The following AP1G1 variants were observed in gnomAD, a reference collection of about 807,000 sequenced individuals.
AP1G1 encodes the protein adaptor related protein complex 1 subunit gamma 1.
AP1G1 carries 7 observed loss-of-function variants against 108.3 expected under a neutral mutation model. That is an observed-to-expected ratio of 0.06 (90% CI 0.04 to 0.12). The LOEUF is 0.12. AP1G1 is among the 10% of genes least tolerant of loss of function. The probability of loss-of-function intolerance (pLI) is 1.00; values close to 1 mark genes in which losing one functional copy is unlikely to be tolerated. For synonymous variants in AP1G1, 379 were observed against 353.5 expected (o/e 1.07, Z -0.81); for missense variants, 756 against 1,010.7 (o/e 0.75, Z 3.42).
At chr16:71,796,920 A>G (rs1315411138) in intron 1 of AP1G1, among the ~76,000 whole-genome samples, 3 of 152,084 alleles carry the variant, frequency 2.0e-5, no homozygotes, top group African/African-American at 7.2e-5. Flanking sequence ...CTGTAATCCC[A>G]GCACTCTGGG....
At position 71,771,254 on chromosome 16, in the gene AP1G1, TATGAAAAAAAAA is replaced by T. The variant is rs2031556713; in HGVS notation, c.469-14_469-3del. ...GACATGAACAGCACACAGTGCTGCC[TATGAAAAAAAAA>T]ATAAAAGAACAAAAGGTTTATTTCA... On this transcript the variant is annotated splice_region_variant and splice_polypyrimidine_tract_variant and intron_variant, in intron 4 of 22. Coordinates refer to ENST00000299980, the MANE Select transcript of AP1G1 (RefSeq NM_001128.6). The T allele has an allele frequency of 6.7e-7, 1 of 1,495,208 alleles. No homozygotes were observed. Among genetic ancestry groups the T allele is most frequent in the Non-Finnish European group, 9.0e-7 (1 of 1,108,950 alleles). 92.6% of individuals were successfully genotyped at this position (1,495,208 alleles called of 1,614,324 possible).
intron 1 of AP1G1, among the ~76,000 whole-genome samples, chr16:71,798,165 G>A (rs1208008720): frequency 1.3e-5 from 2 of 152,166 alleles, no homozygotes; most frequent in Non-Finnish European, 2.9e-5. Context: ...AACTGTTAAG[G>A]CTGGGTGCGG....
intron 1 of AP1G1, among the ~76,000 whole-genome samples, chr16:71,790,278 C>T (rs1597082646): frequency 6.6e-6 from 1 of 152,102 alleles, no homozygotes; most frequent in Admixed American, 6.6e-5. Flanking sequence ...CGGTGGCTCA[C>T]GCCTGTAATC....
At chr16:71,799,560 G>A (rs1170196761) in intron 1 of AP1G1, among the ~76,000 whole-genome samples, 1 of 152,116 alleles carries the variant, frequency 6.6e-6, no homozygotes, top group Non-Finnish European at 1.5e-5. Context: ...TCAAGTCCAG[G>A]AGTTTGAGAC....
intron 5 of AP1G1, 57 bp downstream of exon 5, chr16:71,771,099 C>G: frequency 9.0e-7 from 1 of 1,116,450 alleles, no homozygotes; most frequent in East Asian, 2.4e-5. Flanking sequence ...TAGCCTTAAG[C>G]CTTTTCTCTT....
intron 19 of AP1G1, among the ~76,000 whole-genome samples, chr16:71,741,225 C>T (rs904313299): frequency 3.3e-5 from 5 of 152,078 alleles, no homozygotes; most frequent in Non-Finnish European, 7.4e-5. Context: ...GCTAGAATAT[C>T]ATCTTTTTTT....
At chr16:71,762,611 AGGAGCTTCCAGATAGCTGAACATGT>A (rs2031141241) in intron 9 of AP1G1, among the ~76,000 whole-genome samples, 1 of 152,218 alleles carries the variant, frequency 6.6e-6, no homozygotes, top group Non-Finnish European at 1.5e-5. Flanking sequence ...CAGGGTTCAG[AGGAGCTTCCAGATAGCTGAACATGT>A]GGAGCTTCCT....
At chr16:71,774,362 C>G (rs1041559834) in intron 3 of AP1G1, 106 bp downstream of exon 3, 6 of 1,258,952 alleles carry the variant, frequency 4.8e-6, no homozygotes, top group Admixed American at 2.5e-5. Flanking sequence ...CAAGATCACG[C>G]CACTTCACTC....
chr16:71,748,440 C>T, intron 15 of AP1G1, 62 bp from the exon 16 acceptor site: 2 of 1,559,112 alleles, frequency 1.3e-6, no homozygotes, highest in Non-Finnish European at 1.7e-6. Context: ...GCATCTAAAT[C>T]TGATATCAAG....
chr16:71,793,122 A>G lies in AP1G1; in HGVS notation c.-3-3640T>C, dbSNP rs1029941287. ...AGTGAGGCTGCAGTGAGCTGAGATCAGGCCACTGCACTCCAGCCTGGGCGA... is the reference window on the plus strand; with the variant it reads ...AGTGAGGCTGCAGTGAGCTGAGATCGGGCCACTGCACTCCAGCCTGGGCGA... On this transcript the variant is annotated intron_variant, in intron 1 of 22. Coordinates refer to ENST00000299980, the MANE Select transcript of AP1G1 (RefSeq NM_001128.6). 2.0e-5 allele frequency among the ~76,000 whole-genome samples: 3 copies of G among 151,648 alleles called. 1 individual carries two copies. Among genetic ancestry groups the G allele is most frequent in the Non-Finnish European group, 4.4e-5 (3 of 67,856 alleles).
intron 7 of AP1G1, among the ~76,000 whole-genome samples, chr16:71,765,133 G>C (rs2031260120): frequency 6.6e-6 from 1 of 152,206 alleles, no homozygotes; most frequent in Non-Finnish European, 1.5e-5. Context: ...TTGAGTCCAG[G>C]AGTTTGAGAC....
chr16:71,754,652 T>C (rs969293113), intron 12 of AP1G1, among the ~76,000 whole-genome samples: 1 of 151,944 alleles, frequency 6.6e-6, no homozygotes, highest in African/African-American at 2.4e-5. Context: ...AATTAAAAAA[T>C]TAGTGGCACA....
chr16:71,780,622 A>G (rs1463526440), intron 2 of AP1G1, among the ~76,000 whole-genome samples: 2 of 151,702 alleles, frequency 1.3e-5, no homozygotes, highest in African/African-American at 4.8e-5. Flanking sequence ...TTTAAAAGTC[A>G]CCTTTATTTA....
At chr16:71,787,039 G>GC (rs879705876) in intron 2 of AP1G1, among the ~76,000 whole-genome samples, 9 of 151,522 alleles carry the variant, frequency 5.9e-5, no homozygotes, top group Non-Finnish European at 1.3e-4. Context: ...AATTAGCTGG[G>GC]CCCGGGCACA....
intron 15 of AP1G1, among the ~76,000 whole-genome samples, chr16:71,748,895 GTT>G (rs2030329242): frequency 6.6e-6 from 1 of 151,116 alleles, no homozygotes; most frequent in African/African-American, 2.4e-5. Context: ...GCTCACACCT[GTT>G]TTGTTTTTTT....
chr16:71,789,675 T>C (rs770450190), intron 1 of AP1G1, among the ~76,000 whole-genome samples, 193 bp from the exon 2 acceptor site: 1 of 152,194 alleles, frequency 6.6e-6, no homozygotes, highest in Admixed American at 6.5e-5. Context: ...TCTGTACATT[T>C]CTGGAAAGGC....
intron 1 of AP1G1, among the ~76,000 whole-genome samples, chr16:71,803,273 G>C (rs548460306): frequency 1.3e-5 from 2 of 152,058 alleles, no homozygotes; most frequent in African/African-American, 4.8e-5. Flanking sequence ...AAAGTCACAT[G>C]TATTTTTTCC....
In AP1G1 at chr16:71,790,432, CAGG is replaced by C. The variant is rs1170197677; in HGVS notation, c.-3-953_-3-951del. Among the ~76,000 whole-genome samples, 6 of 150,750 alleles carry C rather than the reference CAGG, an allele frequency of 4.0e-5. No homozygotes were observed. The East Asian group carries it at 9.9e-4, about 25-fold the overall frequency. On this transcript the variant is annotated intron_variant, in intron 1 of 22. Transcript: ENST00000299980. ...GCACATGCCTGTAATCCCAGCTACT[CAGG>C]AGAATTGCTTGAACCCAGGAGGTGG...
At chr16:71,793,731 C>G (rs911441651) in intron 1 of AP1G1, among the ~76,000 whole-genome samples, 5 of 152,140 alleles carry the variant, frequency 3.3e-5, no homozygotes, top group Non-Finnish European at 7.3e-5. Flanking sequence ...GCCACCCAGG[C>G]TGGAGTGCAG....
Sources: allele counts gnomAD v4.1 joint callset (sites outside exome capture counted in the v4.1 genomes callset), GRCh38; gene constraint gnomAD v4.1.1; transcripts MANE v1.5; gene names NCBI Gene and HGNC (gene_info 2026-07-23, HGNC 2026-07-21).